The following CPNE7 variants were observed in gnomAD, a reference collection of about 807,000 sequenced individuals.
The protein encoded by CPNE7 is copine-7.
CPNE7 carries 78 observed loss-of-function variants against 66.5 expected under a neutral mutation model. The ratio of observed to expected loss-of-function variants is 1.17; its 90% CI spans 0.98 to 1.42. CPNE7 has a LOEUF of 1.42. CPNE7 is among the 40% of genes most tolerant of loss of function. CPNE7 has a pLI of 0.00. For synonymous variants in CPNE7, 468 were observed against 336.7 expected, an observed-to-expected ratio of 1.39 and a Z score of -4.27; for missense variants, 1,012 against 776.6, an observed-to-expected ratio of 1.30 and a Z score of -3.60.
At position 89,590,971 on chromosome 16, in the gene CPNE7, A is replaced by G. The variant is rs773370176; in HGVS notation, c.1117-36A>G. The G allele has an allele frequency of 6.2e-6, 10 of 1,611,872 alleles. No individual in the cohort carries two copies. The East Asian group carries it at 1.1e-4, about 18-fold the overall frequency. On this transcript the variant is annotated intron_variant, in intron 11 of 14. Transcript: ENST00000319518. Reference sequence around the variant, plus strand: ...CATGGGGCCAGTGGGGTGTGTTGCAACGAGCAGCTGACTGAGCCCTCTTGT... The same window carrying G: ...CATGGGGCCAGTGGGGTGTGTTGCAGCGAGCAGCTGACTGAGCCCTCTTGT...
At chr16:89,591,554 G>A (rs1445582607) in intron 13 of CPNE7, among the ~76,000 whole-genome samples, 3 of 152,196 alleles carry the variant, frequency 2.0e-5, no homozygotes, top group Admixed American at 2.0e-4. Flanking sequence ...TCTACTGTTT[G>A]GCTGTGTGTG....
intron 9 of CPNE7, 144 bp from the exon 10 acceptor site, chr16:89,588,531 C>A: frequency 1.0e-6 from 1 of 962,784 alleles, no homozygotes; most frequent in Non-Finnish European, 1.5e-6. Flanking sequence ...GTGGGTCAGC[C>A]CCAACAGCAG....
chr16:89,579,554 G>A (rs950792322), intron 2 of CPNE7, among the ~76,000 whole-genome samples: 6 of 146,672 alleles, frequency 4.1e-5, no homozygotes, highest in South Asian at 2.2e-4. Flanking sequence ...CCCATGACAC[G>A]GAACATCCCG....
intron 2 of CPNE7, among the ~76,000 whole-genome samples, chr16:89,582,629 T>A (rs71396930): frequency 1.1e-4 from 16 of 152,172 alleles, no homozygotes; most frequent in African/African-American, 3.6e-4. Flanking sequence ...TTCCCACCCC[T>A]TAACCTGACT....
chr16:89,581,299 T>TCCGATCA (rs2058955532), intron 2 of CPNE7, among the ~76,000 whole-genome samples: 3 of 137,258 alleles, frequency 2.2e-5, no homozygotes, highest in South Asian at 2.3e-4. Flanking sequence ...ACACAGAACA[T>TCCGATCA]CCCGTCACCC....
intron 9 of CPNE7, chr16:89,587,590 TTTGA>T (rs1192683794): frequency 1.2e-5 from 5 of 416,044 alleles, no homozygotes; most frequent in Non-Finnish European, 2.0e-5. Context: ...GGAGTGAGCG[TTTGA>T]GTGAACCAGC....
At chr16:89,579,148 C>A in intron 2 of CPNE7, 1 of 545,354 alleles carries the variant, frequency 1.8e-6, no homozygotes, top group Non-Finnish European at 3.1e-6. Flanking sequence ...AGAAATTAGC[C>A]AGGCGTGGTG....
chr16:89,589,120 C>T (rs574373949), intron 10 of CPNE7, among the ~76,000 whole-genome samples: 2 of 152,290 alleles, frequency 1.3e-5, no homozygotes, highest in African/African-American at 4.8e-5. Flanking sequence ...GGTGAAACCC[C>T]ATCTCTACTG....
chr16:89,585,397 G>T lies in CPNE7; in HGVS notation c.592-67G>T. 8.0e-6 allele frequency: 9 copies of T among 1,126,588 alleles called. 1 individual carries two copies. The highest frequency in any genetic ancestry group is 5.1e-5 in the South Asian group (4 of 77,684). 69.8% of individuals were successfully genotyped at this position (1,126,588 alleles called of 1,614,324 possible). On this transcript the variant is annotated intron_variant, in intron 5 of 14. Coordinates refer to ENST00000319518, the MANE Select transcript of CPNE7 (RefSeq NM_153636.3). Reference sequence around the variant, plus strand: ...GCCTCACAGCTGCTCTTCCACCCAGGTCTCTATCCCCCCCAAGGATCCCAG... The same window carrying T: ...GCCTCACAGCTGCTCTTCCACCCAGTTCTCTATCCCCCCCAAGGATCCCAG...
intron 13 of CPNE7, among the ~76,000 whole-genome samples, chr16:89,592,349 G>C (rs997147334): frequency 1.3e-5 from 2 of 151,122 alleles, no homozygotes; most frequent in African/African-American, 4.9e-5. Context: ...AGTTACAAGA[G>C]CTCTGAGGTC....
At position 89,596,624 on chromosome 16, in the gene CPNE7, A is replaced by G. The variant is rs369693128; in HGVS notation, c.*3A>G. The G allele has an allele frequency of 4.6e-5, 73 of 1,596,532 alleles. No homozygotes were observed. Among genetic ancestry groups the G allele is most frequent in the Admixed American group, 5.2e-5 (3 of 57,812 alleles). Reference sequence around the variant, plus strand: ...CCAGCCCAGGCTGCACACCGTGAAGATGTGGAGGGCGTAGGGTGGGGGCAG... The same window carrying G: ...CCAGCCCAGGCTGCACACCGTGAAGGTGTGGAGGGCGTAGGGTGGGGGCAG... On this transcript the variant is annotated 3_prime_UTR_variant, in exon 15 of 15. Transcript: ENST00000319518.
In CPNE7 at chr16:89,576,032, C is replaced by A. The variant is rs1258877748; in HGVS notation, c.135C>A (p.Ser45Arg). The change falls in exon 1 of 15, where the codon AGC becomes AGA. Residue 45 changes from serine to arginine, a missense_variant. Ser to Arg is a moderately radical substitution (Grantham distance 110). Coordinates refer to ENST00000319518, the MANE Select transcript of CPNE7 (RefSeq NM_153636.3). ...DRDPLTKSDP[S>R]VALLQQAQGQ... ...ACCCGCTCACCAAGTCCGACCCCAG[C>A]GTGGCGTTGCTGCAGCAGGCGCAGG... 1 of 1,335,276 alleles carries A rather than the reference C, an allele frequency of 7.5e-7. No individual in the cohort carries two copies. Among genetic ancestry groups the A allele is most frequent in the Non-Finnish European group, 9.6e-7 (1 of 1,042,724 alleles). The allele number at this position is 1,335,276 out of a possible 1,614,324, so 82.7% of individuals were successfully genotyped here.
intron 9 of CPNE7, chr16:89,587,482 A>C: frequency 2.2e-6 from 1 of 444,938 alleles, no homozygotes. Context: ...CTTGGGGTTC[A>C]GGAAGCAGCC....
chr16:89,586,548 T>C, intron 7 of CPNE7, 122 bp from the exon 8 acceptor site: 1 of 723,104 alleles, frequency 1.4e-6, no homozygotes, highest in Admixed American at 2.2e-5. Flanking sequence ...AGCAGTGCCC[T>C]CCCCTCCCCT....
chr16:89,576,444 C>T (rs1411252913), intron 1 of CPNE7, among the ~76,000 whole-genome samples: 1 of 149,244 alleles, frequency 6.7e-6, no homozygotes, highest in Non-Finnish European at 1.5e-5. Context: ...TGAGGGGCGC[C>T]GGCCGACGGG....
rs530551127 is a variant in CPNE7, at chr16:89,588,339, G to T, written c.928-336G>T. On this transcript the variant is annotated intron_variant, in intron 9 of 14. Transcript: ENST00000319518. ...CAAGTGGGAAACGTGGGGGGACCCAGACCAGGCTTGGTCCACTTAGGCCCT... is the reference window on the plus strand; with the variant it reads ...CAAGTGGGAAACGTGGGGGGACCCATACCAGGCTTGGTCCACTTAGGCCCT... Among the ~76,000 whole-genome samples, 19 of 152,374 alleles carry T rather than the reference G, an allele frequency of 1.2e-4. 1 individual carries two copies. The South Asian group carries it at 3.7e-3, about 30-fold the overall frequency.
chr16:89,583,370 G>A (rs2058984276), intron 2 of CPNE7: 3 of 1,392,760 alleles, frequency 2.2e-6, no homozygotes, highest in African/African-American at 1.4e-5. Context: ...CCACACCTGT[G>A]CAGGTGCAGG....
rs374174929 is a variant in CPNE7, at chr16:89,591,873, G to A, written c.1302+613G>A. On this transcript the variant is annotated intron_variant, in intron 13 of 14. Coordinates refer to ENST00000319518, the MANE Select transcript of CPNE7 (RefSeq NM_153636.3). ...CCGCCACCACTTCTGGCTAATTTTT[G>A]TATTTTTAGTAGAGACGGGGTTTCA... 1.5e-4 allele frequency among the ~76,000 whole-genome samples: 23 copies of A among 149,822 alleles called. 1 individual carries two copies. In the East Asian group the frequency reaches 1.6e-3, roughly 10 times the overall value.
chr16:89,581,673 C>T (rs2058960983), intron 2 of CPNE7, among the ~76,000 whole-genome samples: 2 of 152,172 alleles, frequency 1.3e-5, no homozygotes, highest in Admixed American at 6.5e-5. Flanking sequence ...GAGTTGGGTT[C>T]TCACTCTGCC....
Sources: allele counts gnomAD v4.1 joint callset (sites outside exome capture counted in the v4.1 genomes callset), GRCh38; gene constraint gnomAD v4.1.1; transcripts MANE v1.5; gene names NCBI Gene and HGNC (gene_info 2026-07-23, HGNC 2026-07-21).